The following GREB1L variants were observed in gnomAD, a reference collection of about 807,000 sequenced individuals.
The protein encoded by GREB1L is GREB1-like protein.
A neutral mutation model predicts 200.8 loss-of-function variants in GREB1L; 17 were observed. The observed-to-expected ratio is 0.08, with a 90% confidence interval of 0.06 to 0.13. The LOEUF (loss-of-function observed/expected upper bound fraction) is 0.13. Ranked by LOEUF, GREB1L falls within the 10% of genes least tolerant of loss-of-function variation. The probability of loss-of-function intolerance (pLI) is 1.00; values close to 1 mark genes in which losing one functional copy is unlikely to be tolerated. For missense variants in GREB1L, 1,657 were observed against 2,367.7 expected (o/e 0.70, Z 6.23); for synonymous variants, 789 against 893.0 (o/e 0.88, Z 2.08).
intron 2 of GREB1L, among the ~76,000 whole-genome samples, chr18:21,371,466 A>AT (rs5823304): frequency 0.017 from 2,457 of 140,986 alleles, 30 homozygotes; most frequent in Middle Eastern, 0.051. Flanking sequence ...CAATGATACA[A>AT]TTTTTTTTTT....
At chr18:21,459,913 C>A (rs1193981730) in intron 15 of GREB1L, among the ~76,000 whole-genome samples, 1 of 152,046 alleles carries the variant, frequency 6.6e-6, no homozygotes, top group African/African-American at 2.4e-5. Flanking sequence ...CAGCCAATAC[C>A]CAGCTCTCAG....
At chr18:21,364,014 A>G (rs2039619432) in intron 1 of GREB1L, among the ~76,000 whole-genome samples, 2 of 152,198 alleles carry the variant, frequency 1.3e-5, no homozygotes, top group African/African-American at 2.4e-5. Flanking sequence ...TGTTTTAAAG[A>G]TTAAATTAGA....
chr18:21,505,398 CCTT>C lies in GREB1L; in HGVS notation c.4073-10_4073-8del, dbSNP rs2036972837. 23 of 1,548,946 alleles carry C rather than the reference CCTT, an allele frequency of 1.5e-5. No individual in the cohort carries two copies. The highest frequency in any genetic ancestry group is 1.9e-5 in the Non-Finnish European group (22 of 1,146,772). On this transcript the variant is annotated splice_polypyrimidine_tract_variant and intron_variant, in intron 23 of 32. Transcript: ENST00000424526. ...GGCCAGTCACCTGCTCTGCACACTT[CCTT>C]CTTGTCCTAGATCACAATGAAAGCA...
chr18:21,249,623 G>A (rs1466117496), intron 1 of GREB1L, among the ~76,000 whole-genome samples: 1 of 152,102 alleles, frequency 6.6e-6, no homozygotes, highest in African/African-American at 2.4e-5. Flanking sequence ...GGGAGACCAA[G>A]GTCGGTGGAT....
rs573871373 is a variant in GREB1L, at chr18:21,276,924, CTTTTTTTTTTTTTT to C, written c.-120+34543_-120+34556del. Among the ~76,000 whole-genome samples, 10 of 107,660 alleles carry C rather than the reference CTTTTTTTTTTTTTT, an allele frequency of 9.3e-5. No homozygotes were observed. The South Asian group carries it at 2.7e-3, about 29-fold the overall frequency. The allele number at this position is 107,660 out of a possible 152,430, so 70.6% of individuals were successfully genotyped here. On this transcript the variant is annotated intron_variant, in intron 1 of 32. Transcript: ENST00000424526. ...CTCTCCTTCCCTTTACAGCCCAGCC[CTTTTTTTTTTTTTT>C]TTTTTTTTTTTACGGAATCTTGTTC...
At chr18:21,381,515 A>G (rs2040312758) in intron 2 of GREB1L, among the ~76,000 whole-genome samples, 1 of 152,212 alleles carries the variant, frequency 6.6e-6, no homozygotes, top group African/African-American at 2.4e-5. Flanking sequence ...TAGAAATTAT[A>G]ATAAAACCCC....
intron 1 of GREB1L, among the ~76,000 whole-genome samples, chr18:21,347,806 G>A (rs113237383): frequency 0.05 from 6,491 of 129,752 alleles, 203 homozygotes; most frequent in Non-Finnish European, 0.074. Flanking sequence ...TTGCTCTGTC[G>A]CCCAGGCTGG....
intron 4 of GREB1L, among the ~76,000 whole-genome samples, chr18:21,389,183 T>A (rs1433901212): frequency 6.6e-6 from 1 of 152,186 alleles, no homozygotes; most frequent in Non-Finnish European, 1.5e-5. Context: ...ATTCGTTTAT[T>A]TATGTCATTA....
intron 1 of GREB1L, among the ~76,000 whole-genome samples, chr18:21,332,795 T>G (rs1482849035): frequency 1.3e-5 from 2 of 152,074 alleles, no homozygotes; most frequent in African/African-American, 2.4e-5. Context: ...AAAATTTATT[T>G]TTGGCCAGGT....
chr18:21,452,152 A>G lies in GREB1L; in HGVS notation c.1919A>G (p.Asp640Gly). Residue 640 changes from aspartate to glycine, a missense_variant, in exon 14 of 33, where the codon GAT becomes GGT. Physicochemically the swap from Asp to Gly is moderately conservative, Grantham distance 94. This residue lies in a region of GREB1L where 239 missense variants were observed against 421.8 expected (regional missense o/e 0.57). Coordinates refer to ENST00000424526, the MANE Select transcript of GREB1L (RefSeq NM_001142966.3). ...GGAGACAGTGTGGTTACCCCTTTCG[A>G]TGGAGACCTTAATGAATGTGTGTCA... ...RRGDSVVTPF[D>G]GDLNECVSPQ... is the part of the protein sequence containing the mutation. The G allele has an allele frequency of 1.3e-6, 2 of 1,552,026 alleles. No homozygotes were observed. The highest frequency in any genetic ancestry group is 1.7e-6 in the Non-Finnish European group (2 of 1,146,980).
chr18:21,500,627 G>A lies in GREB1L; in HGVS notation c.4057G>A (p.Glu1353Lys), dbSNP rs763053726. The change falls in exon 23 of 33, where the codon GAG becomes AAG. Residue 1353 changes from glutamate (E) to lysine (K), a missense_variant. Transcript: ENST00000424526. ...RLLEVDVYDEEEINTDHNESS... is the reference protein window; with the variant it reads ...RLLEVDVYDEKEINTDHNESS... ...CCTGGAGGTGGACGTGTATGATGAG[G>A]AGGAGATCAACACCGGTGAGTGCTG... 1 of 1,547,184 alleles carries A rather than the reference G, an allele frequency of 6.5e-7. No homozygotes were observed. Among genetic ancestry groups the A allele is most frequent in the Non-Finnish European group, 8.7e-7 (1 of 1,145,082 alleles).
rs1266307352 is a variant in GREB1L at position 21,500,130 on chromosome 18, G to T, written c.3793G>T (p.Val1265Leu). The T allele has an allele frequency of 1.9e-6, 3 of 1,551,540 alleles. No individual in the cohort carries two copies. The highest frequency in any genetic ancestry group is 2.7e-5 in the African/African-American group (2 of 73,066). Residue 1265 changes from valine to leucine, a missense_variant, in exon 22 of 33, where the codon GTG becomes TTG. Coordinates refer to ENST00000424526, the MANE Select transcript of GREB1L (RefSeq NM_001142966.3). Reference sequence around the variant, plus strand: ...GCTGCCCCACGCCGACGTGGCCTGGGTGAGCTCCCTGCGGCCACTCCTGAA... The same window carrying T: ...GCTGCCCCACGCCGACGTGGCCTGGTTGAGCTCCCTGCGGCCACTCCTGAA... ...SLLPHADVAW[V>L]SSLRPLLNKD...
intron 19 of GREB1L, among the ~76,000 whole-genome samples, chr18:21,493,748 C>T (rs1193087391): frequency 6.6e-6 from 1 of 151,050 alleles, no homozygotes; most frequent in Admixed American, 6.6e-5. Context: ...TGCCTGTAAT[C>T]GCAGCTACTC....
At chr18:21,250,996 A>G (rs1186012798) in intron 1 of GREB1L, among the ~76,000 whole-genome samples, 1 of 152,176 alleles carries the variant, frequency 6.6e-6, no homozygotes, top group Non-Finnish European at 1.5e-5. Context: ...ATAATCTTAC[A>G]TGAATAGGAT....
Position 21,439,627 on chromosome 18 carries a change from A to C in GREB1L, c.939A>C (p.Ser313=). The C allele has an allele frequency of 1.3e-6, 2 of 1,541,196 alleles. No individual in the cohort carries two copies. The highest frequency in any genetic ancestry group is 2.4e-5 in the South Asian group (2 of 83,870). Residue 313 remains serine, a synonymous_variant, in exon 8 of 33, where the codon TCA becomes TCC. Coordinates refer to ENST00000424526, the MANE Select transcript of GREB1L (RefSeq NM_001142966.3). ...TGTCACCACGACCTAGCTATGCATC[A>C]GGAGATCAAGGTACAATGCCTGTCG... ...YSLSPRPSYA[S]GDQATMFISG...
chr18:21,384,070 C>A, intron 3 of GREB1L, 136 bp from the exon 4 acceptor site: 2 of 686,052 alleles, frequency 2.9e-6, no homozygotes, highest in Middle Eastern at 4.1e-4. Context: ...GATTCCAAAT[C>A]TTGGGACCTC....
chr18:21,524,976 T>A lies in GREB1L; in HGVS notation c.*2155T>A, dbSNP rs1300874654. 2 of 149,020 alleles carry A rather than the reference T, an allele frequency of 1.3e-5. No individual in the cohort carries two copies. The highest frequency in any genetic ancestry group is 6.7e-5 in the Admixed American group (1 of 14,888). The allele number at this position is 149,020 out of a possible 1,614,324, so 9.2% of individuals were successfully genotyped here. ...AGTATGTTAGGTCCTTCTTTAAGGATAAAATTGCACAAGCACAGGACACCA... is the reference window on the plus strand; with the variant it reads ...AGTATGTTAGGTCCTTCTTTAAGGAAAAAATTGCACAAGCACAGGACACCA... On this transcript the variant is annotated 3_prime_UTR_variant, in exon 33 of 33. Transcript: ENST00000424526.
At chr18:21,258,536 G>A (rs1311693977) in intron 1 of GREB1L, among the ~76,000 whole-genome samples, 1 of 152,184 alleles carries the variant, frequency 6.6e-6, no homozygotes, top group African/African-American at 2.4e-5. Context: ...CTACACAGGA[G>A]TTGGGGCAAG....
chr18:21,469,110 A>C (rs1371138222), intron 15 of GREB1L, among the ~76,000 whole-genome samples: 1 of 152,236 alleles, frequency 6.6e-6, no homozygotes, highest in Non-Finnish European at 1.5e-5. Flanking sequence ...TCCTGTTTTC[A>C]TCAAACTTTC....
Sources: gnomAD v4.1 joint callset for allele counts (sites outside exome capture counted in the v4.1 genomes callset) on GRCh38, gnomAD v4.1.1 for gene constraint, gnomAD v4.1.1 regional missense constraint, MANE v1.5 for transcripts, NCBI Gene and HGNC (gene_info 2026-07-23, HGNC 2026-07-21) for gene names.